HNRNPU: variants seen among roughly 807,000 people sequenced by gnomAD.
HNRNPU encodes the protein heterogeneous nuclear ribonucleoprotein U, also known as HNRNPU antisense RNA 1.
Under a neutral mutation model 94.7 loss-of-function variants are expected in HNRNPU, and 5 were observed. The ratio of observed to expected loss-of-function variants is 0.05; its 90% CI spans 0.03 to 0.11. HNRNPU has a LOEUF of 0.11. Among genes scored for constraint, HNRNPU ranks in the 10% least tolerant of loss-of-function variants. The pLI is 1.00. For synonymous variants in HNRNPU, 434 were observed against 381.6 expected (o/e 1.14, Z -1.60); for missense variants, 710 against 1,049.2 (o/e 0.68, Z 4.47).
intron 3 of HNRNPU, chr1:244,861,738 G>A (rs960620860): frequency 5.9e-4 from 35 of 58,898 alleles, no homozygotes; most frequent in Admixed American, 1.3e-3. Flanking sequence ...ACGTTTTTTT[G>A]TAACAAAAAA....
At chr1:244,858,401 T>C in intron 6 of HNRNPU, 127 bp from the exon 7 acceptor site, 1 of 811,974 alleles carries the variant, frequency 1.2e-6, no homozygotes, top group Non-Finnish European at 1.9e-6. Flanking sequence ...TTAGGTGGCC[T>C]TTAAGGGCTA....
At position 244,855,894 on chromosome 1, in the gene HNRNPU, A is replaced by C. The variant is rs539281556; in HGVS notation, c.2167+10T>G. ...CTGAACTAAATACAGAACACTCAAA[A>C]TTAACTTGCCTCCTCCTCTGAAATT... On this transcript the variant is annotated intron_variant, in intron 11 of 13. Coordinates refer to ENST00000640218, the MANE Select transcript of HNRNPU (RefSeq NM_031844.3). 1 of 1,612,990 alleles carries C rather than the reference A, an allele frequency of 6.2e-7. No individual in the cohort carries two copies. The highest frequency in any genetic ancestry group is 8.5e-7 in the Non-Finnish European group (1 of 1,179,534).
At chr1:244,859,592 A>G in intron 4 of HNRNPU, 1 of 349,702 alleles carries the variant, frequency 2.9e-6, no homozygotes. Context: ...TATTTAAAAG[A>G]ATACTTAATA....
Position 244,851,171 on chromosome 1 carries a change from T to C in HNRNPU, c.*3279A>G, listed in dbSNP as rs1680539244. ...TAGGAAGAGAATTATGGAAACACTT[T>C]GTAAAACATCCATTTATTATATCCA... On this transcript the variant is annotated 3_prime_UTR_variant, in exon 14 of 14. Coordinates refer to ENST00000640218, the MANE Select transcript of HNRNPU (RefSeq NM_031844.3). 2.0e-5 allele frequency: 3 copies of C among 152,240 alleles called. No homozygotes were observed. The highest frequency in any genetic ancestry group is 4.4e-5 in the Non-Finnish European group (3 of 68,046). 9.4% of individuals were successfully genotyped at this position (152,240 alleles called of 1,614,324 possible).
intron 7 of HNRNPU, 75 bp downstream of exon 7, chr1:244,857,936 A>T: frequency 7.0e-7 from 1 of 1,421,094 alleles, no homozygotes; most frequent in Non-Finnish European, 9.6e-7. Flanking sequence ...CTAATCATCT[A>T]GTTCTTCTAA....
intron 6 of HNRNPU, 133 bp from the exon 7 acceptor site, chr1:244,858,407 G>T: frequency 1.3e-6 from 1 of 759,992 alleles, no homozygotes; most frequent in Non-Finnish European, 2.1e-6. Flanking sequence ...GGCCTTTAAG[G>T]GCTACACAGT....
intron 8 of HNRNPU, chr1:244,857,297 G>A: frequency 3.7e-6 from 1 of 268,238 alleles, no homozygotes; most frequent in South Asian, 9.3e-5. Flanking sequence ...CCAGACTGGA[G>A]TACAATGGCA....
chr1:244,859,397 A>G (rs750389142), intron 4 of HNRNPU, 23 bp from the exon 5 acceptor site: 1 of 1,139,860 alleles, frequency 8.8e-7, no homozygotes, highest in Admixed American at 1.7e-5. Flanking sequence ...TCATTAAATA[A>G]TTAAAATAAT....
At position 244,864,444 on chromosome 1, in the gene HNRNPU, G is replaced by A; in HGVS notation, c.-137C>T. 6.9e-7 allele frequency: 1 copy of A among 1,440,506 alleles called. No individual in the cohort carries two copies. The highest frequency in any genetic ancestry group is 1.5e-5 in the African/African-American group (1 of 68,610). 89.2% of individuals were successfully genotyped at this position (1,440,506 alleles called of 1,614,324 possible). On this transcript the variant is annotated 5_prime_UTR_variant, in exon 1 of 14. Coordinates refer to ENST00000640218, the MANE Select transcript of HNRNPU (RefSeq NM_031844.3). ...CGGCTGGAGATGGGTTCGTGCTGCA[G>A]AGCGGATCCGCCTGGTGTCGAACGG...
chr1:244,857,246 T>C (rs553888908), intron 8 of HNRNPU: 8 of 219,312 alleles, frequency 3.6e-5, no homozygotes, highest in East Asian at 3.0e-4. Context: ...ATTTTTCTTT[T>C]CTTTTTTTTT....
Position 244,864,309 on chromosome 1 carries a change from G to A in HNRNPU, c.-2C>T. On this transcript the variant is annotated 5_prime_UTR_variant, in exon 1 of 14. Transcript: ENST00000640218. ...TACATTAACAGGCGAGGAACTCATG[G>A]TGAGGGCCCCGATTCACCGCTAGGC... 3 of 1,612,334 alleles carry A rather than the reference G, an allele frequency of 1.9e-6. No individual in the cohort carries two copies. The highest frequency in any genetic ancestry group is 2.5e-6 in the Non-Finnish European group (3 of 1,179,612).
In HNRNPU at chr1:244,851,877, TTA is replaced by T. The variant is rs1263211239; in HGVS notation, c.*2571_*2572del. The stretch of plus-strand genomic sequence containing the variant: ...TTCTCATAGCTATCTCATAGCAGTT[TTA>T]GTTTTCTCAAATTCTATGCTGTTTT... On this transcript the variant is annotated 3_prime_UTR_variant, in exon 14 of 14. Coordinates refer to ENST00000640218, the MANE Select transcript of HNRNPU (RefSeq NM_031844.3). 1 of 152,216 alleles carries T rather than the reference TTA, an allele frequency of 6.6e-6. No homozygotes were observed. Among genetic ancestry groups the T allele is most frequent in the African/African-American group, 2.4e-5 (1 of 41,448 alleles). 9.4% of individuals were successfully genotyped at this position (152,216 alleles called of 1,614,324 possible).
chr1:244,858,337 GAATT>G, intron 6 of HNRNPU, 63 bp from the exon 7 acceptor site: 1 of 1,466,760 alleles, frequency 6.8e-7, no homozygotes, highest in Non-Finnish European at 9.3e-7. Context: ...AAAAAACTAA[GAATT>G]AAAATTAGGA....
chr1:244,857,685 T>C lies in HNRNPU; in HGVS notation c.1527A>G (p.Gly509=), dbSNP rs1415018899. ...VVMMIGLPGA[G]KTTWVTKHAA... ...CATGTTTAGTAACCCAGGTAGTTTT[T>C]CCAGCTCCTGGCAAGCCAATCATCA... The change falls in exon 8 of 14, where the codon GGA becomes GGG. Residue 509 remains glycine, a synonymous_variant. Coordinates refer to ENST00000640218, the MANE Select transcript of HNRNPU (RefSeq NM_031844.3). 1.9e-6 allele frequency: 3 copies of C among 1,614,070 alleles called. No homozygotes were observed. In the South Asian group the frequency reaches 3.3e-5, roughly 18 times the overall value.
chr1:244,859,924 A>G (rs1201877602), intron 4 of HNRNPU: 1 of 162,560 alleles, frequency 6.2e-6, no homozygotes, highest in Non-Finnish European at 1.3e-5. Context: ...GCATTCTGAG[A>G]GGCTCAGGCG....
In HNRNPU at chr1:244,862,942, C is replaced by CAT; in HGVS notation, c.692-213_692-212insAT. The CAT allele has an allele frequency of 6.9e-6, 4 of 582,058 alleles. No homozygotes were observed. In the East Asian group the frequency reaches 1.1e-4, roughly 17 times the overall value. The allele number at this position is 582,058 out of a possible 1,614,324, so 36.1% of individuals were successfully genotyped here. A position where few individuals can be genotyped will look rare whatever the true frequency, so the allele number is the denominator to read the frequency against. On this transcript the variant is annotated intron_variant, in intron 1 of 13. Coordinates refer to ENST00000640218, the MANE Select transcript of HNRNPU (RefSeq NM_031844.3). ...ACATTACTAATTTTGCCAGTCTCCTCGATGATTCGAGAAAGCCAAAGAAAA... is the reference window on the plus strand; with the variant it reads ...ACATTACTAATTTTGCCAGTCTCCTCATGATGATTCGAGAAAGCCAAAGAAAA...
rs528484885 is a variant in HNRNPU at position 244,851,981 on chromosome 1, T to G, written c.*2469A>C. On this transcript the variant is annotated 3_prime_UTR_variant, in exon 14 of 14. Coordinates refer to ENST00000640218, the MANE Select transcript of HNRNPU (RefSeq NM_031844.3). ...ATTCTACTTTAAAATATAACCTTAG[T>G]GAAAGCACCCTTCAAATCAACAGCA... The G allele has an allele frequency of 1.3e-5, 2 of 152,214 alleles. No homozygotes were observed. The highest frequency in any genetic ancestry group is 2.4e-5 in the African/African-American group (1 of 41,454). The allele number at this position is 152,214 out of a possible 1,614,324, so 9.4% of individuals were successfully genotyped here.
Position 244,864,278 on chromosome 1 carries a change from C to G in HNRNPU, c.30G>C (p.Lys10Asn). 1 of 1,613,238 alleles carries G rather than the reference C, an allele frequency of 6.2e-7. No homozygotes were observed. The highest frequency in any genetic ancestry group is 8.5e-7 in the Non-Finnish European group (1 of 1,179,774). Residue 10 changes from lysine (K) to asparagine (N), a missense_variant, in exon 1 of 14, where the codon AAG becomes AAC. Physicochemically the swap from Lys to Asn is moderately conservative, Grantham distance 94 (BLOSUM62 0). Coordinates refer to ENST00000640218, the MANE Select transcript of HNRNPU (RefSeq NM_031844.3). ...CCTCTTTCAGCTCCGACACCTTCAG[C>G]TTTTTTACATTAACAGGCGAGGAAC... MSSSPVNVK[K>N]LKVSELKEEL...
At chr1:244,858,597 CTT>C in intron 6 of HNRNPU, 130 bp downstream of exon 6, 2 of 652,958 alleles carry the variant, frequency 3.1e-6, no homozygotes, top group Non-Finnish European at 5.5e-6. Flanking sequence ...TGAATGAAGT[CTT>C]TACACTAATC....
Sources: allele counts gnomAD v4.1 joint callset, GRCh38; gene constraint gnomAD v4.1.1; transcripts MANE v1.5; gene names NCBI Gene and HGNC (gene_info 2026-07-23, HGNC 2026-07-21).